The following SAGE1 variants were observed in gnomAD, a reference collection of about 807,000 sequenced individuals.
SAGE1 encodes the protein sarcoma antigen 1.
Under a neutral mutation model 55.4 loss-of-function variants are expected in SAGE1, and 55 were observed. The observed-to-expected ratio is 0.99, with a 90% CI of 0.80 to 1.24. SAGE1 has a LOEUF of 1.24. Among genes scored for constraint, SAGE1 ranks in the 50% most tolerant of loss-of-function variants. SAGE1 has a pLI of 0.00. For missense variants in SAGE1, 710 were observed against 704.4 expected (o/e 1.01, Z -0.09); for synonymous variants, 240 against 244.3 (o/e 0.98, Z 0.17).
intron 1 of SAGE1, among the ~76,000 whole-genome samples, chrX:135,895,666 A>G (rs1238776719): frequency 9.0e-6 from 1 of 111,537 alleles, no homozygotes; most frequent in Non-Finnish European, 1.9e-5. Flanking sequence ...ATATCTGAAG[A>G]TGCTGGTTCC....
intron 10 of SAGE1, 64 bp downstream of exon 10, chrX:135,907,905 G>A (rs2088825194): frequency 2.7e-6 from 3 of 1,123,099 alleles, no homozygotes; most frequent in Non-Finnish European, 3.6e-6. Context: ...TTGTCATCAA[G>A]GGAAGAAGAC....
chrX:135,903,009 C>T (rs1307839541), intron 3 of SAGE1, among the ~76,000 whole-genome samples: 3 of 111,927 alleles, frequency 2.7e-5, no homozygotes, highest in Admixed American at 9.5e-5. Flanking sequence ...CCATCCTCAT[C>T]TCTCCTAAGC....
At chrX:135,912,224 C>A in intron 18 of SAGE1, 97 bp from the exon 19 acceptor site, 1 of 1,119,300 alleles carries the variant, frequency 8.9e-7, no homozygotes, top group Non-Finnish European at 1.2e-6. Context: ...AACATTGTAG[C>A]CCATGAAAAA....
chrX:135,898,755 T>A (rs1204189375), intron 2 of SAGE1, among the ~76,000 whole-genome samples: 1 of 112,391 alleles, frequency 8.9e-6, no homozygotes, highest in African/African-American at 3.2e-5. Flanking sequence ...GATGTTGAGC[T>A]TTTTTTCATA....
At position 135,912,664 on chromosome X, in the gene SAGE1, T is replaced by C; in HGVS notation, c.2616-134T>C. 3.6e-6 allele frequency: 4 copies of C among 1,104,076 alleles called. No individual in the cohort carries two copies. The South Asian group carries it at 9.4e-5, about 26-fold the overall frequency. The allele number at this position is 1,104,076 out of a possible 1,213,427, so 91.0% of individuals were successfully genotyped here. A position where few individuals can be genotyped will look rare whatever the true frequency, so the allele number is the denominator to read the frequency against. On this transcript the variant is annotated intron_variant, in intron 19 of 19. Transcript: ENST00000370709. ...GTTGACTCACTTTGTATTTTTCTAG[T>C]TTGTATCTTTCAATGAGGATGCATT...
intron 13 of SAGE1, 86 bp from the exon 14 acceptor site, chrX:135,909,553 T>TA: frequency 2.1e-6 from 2 of 947,325 alleles, no homozygotes; most frequent in Non-Finnish European, 2.9e-6. Context: ...GAACAATTTC[T>TA]TACAAACTGA....
Position 135,899,851 on chromosome X carries a change from G to A in SAGE1, c.88-1708G>A, listed in dbSNP as rs782643487. Among the ~76,000 whole-genome samples the A allele has an allele frequency of 5.4e-5, 6 of 110,631 alleles. No homozygotes were observed. In the South Asian group the frequency reaches 1.6e-3, roughly 29 times the overall value. ...TTTTTGCACATGGATTTTGTATCCC[G>A]AGACTTTGCTGAAATTGCTTATCAG... is the stretch of plus-strand genomic sequence containing the variant. On this transcript the variant is annotated intron_variant, in intron 2 of 19. Transcript: ENST00000370709.
Position 135,908,523 on chromosome X carries a change from C to A in SAGE1, c.1347C>A (p.Gly449=). Reference sequence around the variant, plus strand: ...TCCATGAAGCAAGGATGGAAAATGGCCAACGAAAACAGGATAACGTCTTGT... The same window carrying A: ...TCCATGAAGCAAGGATGGAAAATGGACAACGAAAACAGGATAACGTCTTGT... ...HHVHEARMEN[G]QRKQDNVLSN... is the part of the protein sequence containing the mutation. Residue 449 remains glycine (G), a synonymous_variant, in exon 12 of 20, where the codon GGC becomes GGA. Transcript: ENST00000370709. The A allele has an allele frequency of 8.3e-7, 1 of 1,206,939 alleles. No homozygotes were observed. The highest frequency in any genetic ancestry group is 1.7e-5 in the African/African-American group (1 of 57,562).
Position 135,908,527 on chromosome X carries a change from C to T in SAGE1, c.1351C>T (p.Arg451Ter), listed in dbSNP as rs781867792. 5.0e-6 allele frequency: 6 copies of T among 1,207,451 alleles called. No homozygotes were observed. In the Admixed American group the frequency reaches 1.1e-4, roughly 22 times the overall value. Residue 451 changes from arginine to a stop codon, truncating the protein, a stop_gained, in exon 12 of 20, where the codon CGA becomes TGA. Coordinates refer to ENST00000370709, the MANE Select transcript of SAGE1 (RefSeq NM_001381902.1). LOFTEE classifies it high-confidence loss of function. ...VHEARMENGQRKQDNVLSNVL... is the reference protein window; with the variant it reads ...VHEARMENGQ ...TGAAGCAAGGATGGAAAATGGCCAA[C>T]GAAAACAGGATAACGTCTTGTCAAA...
chrX:135,909,976 G>A (rs2088866122), intron 14 of SAGE1, 54 bp from the exon 15 acceptor site: 2 of 1,139,410 alleles, frequency 1.8e-6, no homozygotes, highest in African/African-American at 3.6e-5. Flanking sequence ...ATATACCTGT[G>A]GGGTTGACAT....
At chrX:135,896,985 T>C (rs2057588769) in intron 2 of SAGE1, among the ~76,000 whole-genome samples, 1 of 111,881 alleles carries the variant, frequency 8.9e-6, no homozygotes, top group Admixed American at 9.5e-5. Context: ...TGACACAAGA[T>C]AGGAGGTAGA....
In SAGE1 at chrX:135,895,373, G is replaced by A. The variant is rs782555816; in HGVS notation, c.1-870G>A. Among the ~76,000 whole-genome samples the A allele has an allele frequency of 9.8e-5, 11 of 112,107 alleles. No individual in the cohort carries two copies. In the East Asian group the frequency reaches 3.1e-3, roughly 31 times the overall value. On this transcript the variant is annotated intron_variant, in intron 1 of 19. Transcript: ENST00000370709. ...CCCCCACTTTGGTGATTTTAAGTGG[G>A]GTCATCTGTCCACTAAATTAAACAG...
At position 135,911,795 on chromosome X, in the gene SAGE1, C is replaced by T. The variant is rs782625470; in HGVS notation, c.2363C>T (p.Thr788Ile). Residue 788 changes from threonine to isoleucine, a missense_variant, in exon 18 of 20, where the codon ACC becomes ATC. Coordinates refer to ENST00000370709, the MANE Select transcript of SAGE1 (RefSeq NM_001381902.1). ...GATAGTAATGAATTTGCGGTAGGCA[C>T]CAAAAACTACAGTGTCTCTGCAGGT... ...KPDSNEFAVG[T>I]KNYSVSAGDP... is the part of the protein sequence containing the mutation. The T allele has an allele frequency of 3.3e-6, 4 of 1,208,900 alleles. No individual in the cohort carries two copies. The highest frequency in any genetic ancestry group is 4.5e-6 in the Non-Finnish European group (4 of 894,077).
chrX:135,912,058 G>A (rs1297027458), intron 18 of SAGE1, 105 bp downstream of exon 18: 1 of 1,126,523 alleles, frequency 8.9e-7, no homozygotes, highest in Non-Finnish European at 1.2e-6. Flanking sequence ...TGGCTGAATT[G>A]GATCTATATA....
chrX:135,896,092 G>A lies in SAGE1; in HGVS notation c.1-151G>A, dbSNP rs1275547014. ...TGAGATTCTAAACTCTGGTACCAAG[G>A]CACACATTGCTAAGACAATCTGTGA... On this transcript the variant is annotated intron_variant, in intron 1 of 19. Coordinates refer to ENST00000370709, the MANE Select transcript of SAGE1 (RefSeq NM_001381902.1). 1.6e-5 allele frequency: 7 copies of A among 431,012 alleles called. No individual in the cohort carries two copies. The East Asian group carries it at 2.2e-4, about 14-fold the overall frequency. The allele number at this position is 431,012 out of a possible 1,213,427, so 35.5% of individuals were successfully genotyped here. A position where few individuals can be genotyped will look rare whatever the true frequency, so the allele number is the denominator to read the frequency against.
rs1556596719 is a variant in SAGE1 at position 135,901,637 on chromosome X, C to T, written c.166C>T (p.His56Tyr). Residue 56 changes from histidine (H) to tyrosine (Y), a missense_variant, in exon 3 of 20, where the codon CAC becomes TAC. Coordinates refer to ENST00000370709, the MANE Select transcript of SAGE1 (RefSeq NM_001381902.1). The stretch of plus-strand genomic sequence containing the variant: ...GAAACATTCCAGAAAATCCAAGAGA[C>T]ACTCTTCATCTAAGAGAAGGAAGAG... Reference protein sequence around the residue: ...KKKHSRKSKRHSSSKRRKSMS... With the variant: ...KKKHSRKSKRYSSSKRRKSMS... The T allele has an allele frequency of 1.7e-6, 2 of 1,207,096 alleles. No homozygotes were observed. Among genetic ancestry groups the T allele is most frequent in the Non-Finnish European group, 2.2e-6 (2 of 891,648 alleles).
Position 135,905,247 on chromosome X carries a change from T to C in SAGE1, c.314-5T>C, listed in dbSNP as rs201899162. 5 of 1,205,040 alleles carry C rather than the reference T, an allele frequency of 4.1e-6. No individual in the cohort carries two copies. In the East Asian group the frequency reaches 1.5e-4, roughly 36 times the overall value. ...CACAACTCAACCTGTTCCATCGGTT[T>C]CCAGATGCTACCATCGCTCACAATA... On this transcript the variant is annotated splice_polypyrimidine_tract_variant and splice_region_variant and intron_variant, in intron 4 of 19. Coordinates refer to ENST00000370709, the MANE Select transcript of SAGE1 (RefSeq NM_001381902.1).
At chrX:135,910,378 C>G (rs975935030) in intron 15 of SAGE1, 37 bp from the exon 16 acceptor site, 2 of 1,199,911 alleles carry the variant, frequency 1.7e-6, no homozygotes, top group African/African-American at 3.5e-5. Context: ...TGACATAATG[C>G]ACTTACCTCA....
intron 18 of SAGE1, 163 bp from the exon 19 acceptor site, chrX:135,912,158 G>C (rs575704690): frequency 4.0e-6 from 3 of 748,716 alleles, no homozygotes; most frequent in East Asian, 1.5e-4. Flanking sequence ...GTTCACAATA[G>C]TTTCCTTAGT....
Sources: gnomAD v4.1 joint callset for allele counts (sites outside exome capture counted in the v4.1 genomes callset) on GRCh38, gnomAD v4.1.1 for gene constraint, MANE v1.5 for transcripts, NCBI Gene and HGNC (gene_info 2026-07-23, HGNC 2026-07-21) for gene names.